CCDC136: variants seen among roughly 807,000 people sequenced by gnomAD.
CCDC136 encodes the protein coiled-coil domain-containing protein 136.
CCDC136 carries 100 observed loss-of-function variants against 141.2 expected under a neutral mutation model. The ratio of observed to expected loss-of-function variants is 0.71; its 90% CI spans 0.60 to 0.84. CCDC136 has a LOEUF of 0.84. Among genes scored for constraint, CCDC136 ranks in the 40% least tolerant of loss-of-function variants. The pLI is 0.00. For missense variants in CCDC136, 1,206 were observed against 1,379.4 expected (o/e 0.87, Z 1.99); for synonymous variants, 474 against 531.9 (o/e 0.89, Z 1.50).
At chr7:128,819,946 C>G (rs1466712425) in intron 17 of CCDC136, among the ~76,000 whole-genome samples, 1 of 152,140 alleles carries the variant, frequency 6.6e-6, no homozygotes, top group Non-Finnish European at 1.5e-5. Context: ...ATTGTGTATG[C>G]TAAGCGTCCT....
intron 12 of CCDC136, chr7:128,811,270 C>G (rs774574441): frequency 8.8e-6 from 4 of 455,936 alleles, no homozygotes. Flanking sequence ...AGATCTCATC[C>G]TGGACATCAG....
rs1805951850 is a variant in CCDC136 at position 128,812,688 on chromosome 7, T to TACA, written c.2542-20_2542-19insACA. 6.3e-7 allele frequency: 1 copy of TACA among 1,596,890 alleles called. No homozygotes were observed. The highest frequency in any genetic ancestry group is 1.1e-5 in the South Asian group (1 of 88,952). Reference sequence around the variant, plus strand: ...TAGGTGCTCCTCAGGGTGCTATTGTTGCTCCCCCACCCCCCGCAGCGCTTT... The same window carrying TACA: ...TAGGTGCTCCTCAGGGTGCTATTGTTACAGCTCCCCCACCCCCCGCAGCGCTTT... On this transcript the variant is annotated intron_variant, in intron 13 of 17. Transcript: ENST00000297788.
At chr7:128,796,360 G>C (rs1024385433) in intron 3 of CCDC136, among the ~76,000 whole-genome samples, 4 of 151,968 alleles carry the variant, frequency 2.6e-5, no homozygotes, top group African/African-American at 9.7e-5. Flanking sequence ...GTGAGAATGA[G>C]CTTCATTTGT....
intron 14 of CCDC136, 39 bp from the exon 15 acceptor site, chr7:128,814,598 AC>A (rs745775480): frequency 6.7e-7 from 1 of 1,501,356 alleles, no homozygotes; most frequent in East Asian, 2.3e-5. Context: ...TGGTTGCATA[AC>A]CAGCCAACTC....
intron 3 of CCDC136, among the ~76,000 whole-genome samples, chr7:128,796,020 G>A (rs1244514238): frequency 6.6e-6 from 1 of 152,148 alleles, no homozygotes; most frequent in Non-Finnish European, 1.5e-5. Context: ...CTGTTGCCCA[G>A]GCTGGAGTGC....
chr7:128,803,367 A>T (rs1804336279), intron 4 of CCDC136, among the ~76,000 whole-genome samples: 1 of 152,178 alleles, frequency 6.6e-6, no homozygotes, highest in African/African-American at 2.4e-5. Context: ...TCACAGCCTT[A>T]AAAGTGGGCA....
At chr7:128,819,200 C>T (rs542058176) in intron 17 of CCDC136, among the ~76,000 whole-genome samples, 40 of 152,362 alleles carry the variant, frequency 2.6e-4, no homozygotes, top group African/African-American at 8.7e-4. Context: ...AGACCCAGCC[C>T]GGCCCAATCA....
At position 128,805,869 on chromosome 7, in the gene CCDC136, C is replaced by G. The variant is rs769794491; in HGVS notation, c.1057C>G (p.Leu353Val). The stretch of plus-strand genomic sequence containing the variant: ...GCTCAAGTGTGCTCAGAATGAGGTG[C>G]TTCGGTTTCAGACCTCCCACAGTGT... ...RELKCAQNEV[L>V]RFQTSHSVTQ... The change falls in exon 7 of 18, where the codon CTT becomes GTT. Residue 353 changes from leucine to valine, a missense_variant. Leu to Val is a conservative substitution (Grantham distance 32). Transcript: ENST00000297788. The surrounding 1 kb of genome is among the most constrained non-coding windows in gnomAD (Gnocchi z 4.6). The G allele has an allele frequency of 1.2e-6, 2 of 1,613,820 alleles. No individual in the cohort carries two copies. The highest frequency in any genetic ancestry group is 1.7e-5 in the Admixed American group (1 of 59,994).
chr7:128,801,774 G>T (rs1349779358), intron 4 of CCDC136, among the ~76,000 whole-genome samples: 2 of 151,998 alleles, frequency 1.3e-5, no homozygotes, highest in Non-Finnish European at 1.5e-5. Context: ...CTTTCTAAAA[G>T]AAAAATTTAA....
intron 11 of CCDC136, among the ~76,000 whole-genome samples, chr7:128,809,846 C>T (rs1805446033): frequency 6.6e-6 from 1 of 152,228 alleles, no homozygotes; most frequent in East Asian, 1.9e-4. Context: ...TCTTAAAATA[C>T]CTTTTATACT....
intron 17 of CCDC136, 190 bp downstream of exon 17, chr7:128,818,054 A>G: frequency 3.5e-6 from 2 of 574,222 alleles, no homozygotes; most frequent in Non-Finnish European, 6.2e-6. Flanking sequence ...ATCTCTGAGC[A>G]TGTCTTCGTA....
rs765992467 is a variant in CCDC136, at chr7:128,811,862, G to A, written c.2091G>A (p.Ala697=). 9.9e-6 allele frequency: 16 copies of A among 1,612,178 alleles called. No individual in the cohort carries two copies. Among genetic ancestry groups the A allele is most frequent in the Middle Eastern group, 1.6e-4 (1 of 6,066 alleles). Residue 697 remains alanine (A), a synonymous_variant, in exon 13 of 18, where the codon GCG becomes GCA. Transcript: ENST00000297788. ...AGGTGATGTATGACGCCGGTCAGGC[G>A]AAGCAGGAGCTCTTGCAGCAAGAGC... ...ALQVMYDAGQ[A]KQELLQQEQG...
chr7:128,812,752 G>T lies in CCDC136; in HGVS notation c.2586G>T (p.Ala862=). Residue 862 remains alanine (A), a synonymous_variant, in exon 14 of 18, where the codon GCG becomes GCT. Transcript: ENST00000297788. The stretch of plus-strand genomic sequence containing the variant: ...TGAAAGTGCTGATCAAGCTGCAGGC[G>T]GTGCAGGCCATGTACCAGATAAGCC... The part of the protein sequence containing the change: ...MVVKVLIKLQ[A]VQAMYQISQE... 2 of 1,613,452 alleles carry T rather than the reference G, an allele frequency of 1.2e-6. No homozygotes were observed. The highest frequency in any genetic ancestry group is 1.7e-6 in the Non-Finnish European group (2 of 1,179,824).
rs1803008057 is a variant in CCDC136 at position 128,796,736 on chromosome 7, TA to T, written c.346+1969del. 3.2e-5 allele frequency among the ~76,000 whole-genome samples: 4 copies of T among 123,196 alleles called. No individual in the cohort carries two copies. The South Asian group carries it at 1.0e-3, about 32-fold the overall frequency. The allele number at this position is 123,196 out of a possible 152,430, so 80.8% of individuals were successfully genotyped here. On this transcript the variant is annotated intron_variant, in intron 3 of 17. Coordinates refer to ENST00000297788, the MANE Select transcript of CCDC136 (RefSeq NM_022742.5). ...AGATGATTCAGAATATATATATATATATATTCTTTTTTTTTTTTTTTTTGAG... is the reference window on the plus strand; with the variant it reads ...AGATGATTCAGAATATATATATATATTATTCTTTTTTTTTTTTTTTTTGAG...
At chr7:128,809,015 A>G in intron 10 of CCDC136, 2 of 965,852 alleles carry the variant, frequency 2.1e-6, no homozygotes, top group Non-Finnish European at 2.5e-6. Context: ...ATTAGGGTGA[A>G]ATTAAGTCCT....
chr7:128,810,938 AG>A (rs1442681608), intron 12 of CCDC136, among the ~76,000 whole-genome samples: 2 of 152,212 alleles, frequency 1.3e-5, no homozygotes, highest in Non-Finnish European at 1.5e-5. Flanking sequence ...CACAGGGGTT[AG>A]ACCAGAAAAT....
At position 128,814,873 on chromosome 7, in the gene CCDC136, C is replaced by T. The variant is rs1276113834; in HGVS notation, c.2999C>T (p.Thr1000Ile). 2 of 1,606,740 alleles carry T rather than the reference C, an allele frequency of 1.2e-6. No individual in the cohort carries two copies. The highest frequency in any genetic ancestry group is 1.3e-5 in the African/African-American group (1 of 74,914). ...AATGGGGTTAAAATGAAAAAGGTGA[C>T]CAAGCCATGCTCGGATACTTCTGAG... ...NANGVKMKKV[T>I]KPCSDTSESD... is the part of the protein sequence containing the mutation. Residue 1000 changes from threonine to isoleucine, a missense_variant, in exon 15 of 18, where the codon ACC becomes ATC. Physicochemically the swap from Thr to Ile is moderately conservative, Grantham distance 89. Transcript: ENST00000297788.
chr7:128,791,543 C>T (rs1585037299), upstream of CCDC136: 5 of 1,286,416 alleles, frequency 3.9e-6, no homozygotes, highest in East Asian at 3.1e-5. The surrounding 1 kb of genome is among the most constrained non-coding windows in gnomAD (Gnocchi z 7.1). Flanking sequence ...TGGAGCTGCC[C>T]GGGCCCAGGT....
At chr7:128,816,001 G>T in intron 16 of CCDC136, 70 bp downstream of exon 16, 1 of 1,473,136 alleles carries the variant, frequency 6.8e-7, no homozygotes, top group South Asian at 1.4e-5. Context: ...GAGTTAATGG[G>T]TGGCCCTGCC....
Sources: allele counts gnomAD v4.1 joint callset (sites outside exome capture counted in the v4.1 genomes callset), GRCh38; gene constraint gnomAD v4.1.1; non-coding constraint Gnocchi (gnomAD v3.1); transcripts MANE v1.5; gene names NCBI Gene and HGNC (gene_info 2026-07-23, HGNC 2026-07-21).